CASC3: variants seen among roughly 807,000 people sequenced by gnomAD.
CASC3 encodes the protein CASC3 exon junction complex subunit.
A neutral mutation model predicts 80.5 loss-of-function variants in CASC3; 30 were observed. That is an observed-to-expected ratio of 0.37 (90% CI 0.28 to 0.51). The LOEUF is 0.51. Ranked by LOEUF, CASC3 falls within the 20% of genes least tolerant of loss-of-function variation. The pLI, the probability that CASC3 is intolerant of heterozygous loss-of-function variation, is 0.94. For synonymous variants in CASC3, 312 were observed against 333.6 expected (o/e 0.94, Z 0.70); for missense variants, 824 against 922.2 (o/e 0.89, Z 1.38).
At chr17:40,159,582 G>C (rs1460680437) in intron 3 of CASC3, among the ~76,000 whole-genome samples, 2 of 134,666 alleles carry the variant, frequency 1.5e-5, no homozygotes, top group African/African-American at 2.8e-5. Context: ...ATCTCTCTCT[G>C]TTGCTAAGAC....
intron 3 of CASC3, among the ~76,000 whole-genome samples, chr17:40,143,441 TGTCTC>T (rs537651482): frequency 6.6e-5 from 10 of 150,872 alleles, no homozygotes; most frequent in Non-Finnish European, 1.3e-4. Context: ...GCAAGACTCT[TGTCTC>T]AGAAAATTTA....
intron 8 of CASC3, chr17:40,167,220 A>G: frequency 3.9e-6 from 2 of 518,378 alleles, no homozygotes; most frequent in Non-Finnish European, 6.8e-6. Flanking sequence ...TGGCCTCCCA[A>G]AGTATTGGGA....
chr17:40,149,832 C>T (rs1280723939), intron 3 of CASC3, among the ~76,000 whole-genome samples: 1 of 151,656 alleles, frequency 6.6e-6, no homozygotes. Flanking sequence ...GGTGAAACCC[C>T]GTCTCTACTA....
intron 3 of CASC3, among the ~76,000 whole-genome samples, chr17:40,149,128 G>A (rs9898500): frequency 0.064 from 9,783 of 151,916 alleles, 685 homozygotes; most frequent in African/African-American, 0.17. Flanking sequence ...CACCCACCTC[G>A]GCTTCCCAAA....
intron 2 of CASC3, 69 bp from the exon 3 acceptor site, chr17:40,141,501 G>C (rs1988716496): frequency 7.7e-7 from 1 of 1,298,948 alleles, no homozygotes; most frequent in Non-Finnish European, 1.1e-6. Context: ...CTCTTAGTCT[G>C]ACCTGTAATA....
rs764897515 is a variant in CASC3 at position 40,168,199 on chromosome 17, C to G, written c.1751-4C>G. 6.2e-7 allele frequency: 1 copy of G among 1,613,172 alleles called. No homozygotes were observed. Among genetic ancestry groups the G allele is most frequent in the Non-Finnish European group, 8.5e-7 (1 of 1,179,198 alleles). ...TTTTCAGTTTTTTTCTTCTCCTTAT[C>G]CAGGTTTACATCCCCACCAGACACC... On this transcript the variant is annotated splice_polypyrimidine_tract_variant and splice_region_variant and intron_variant, in intron 10 of 13. Coordinates refer to ENST00000264645, the MANE Select transcript of CASC3 (RefSeq NM_007359.5).
At chr17:40,157,653 C>T (rs1989187017) in intron 3 of CASC3, among the ~76,000 whole-genome samples, 2 of 151,886 alleles carry the variant, frequency 1.3e-5, no homozygotes, top group Non-Finnish European at 2.9e-5. Flanking sequence ...CCAGCCTGGG[C>T]GACAGAGCAA....
At chr17:40,148,338 C>T (rs1442861232) in intron 3 of CASC3, among the ~76,000 whole-genome samples, 3 of 151,866 alleles carry the variant, frequency 2.0e-5, no homozygotes, top group East Asian at 3.9e-4. Context: ...GAAGGAAGCC[C>T]TGGCAGCCAG....
chr17:40,159,408 C>T (rs1291030639), intron 3 of CASC3, among the ~76,000 whole-genome samples: 1 of 152,054 alleles, frequency 6.6e-6, no homozygotes, highest in Non-Finnish European at 1.5e-5. Flanking sequence ...TTGAGACAGT[C>T]TCTGTTGTCC....
chr17:40,149,108 T>C (rs1177183459), intron 3 of CASC3, among the ~76,000 whole-genome samples: 1 of 152,010 alleles, frequency 6.6e-6, no homozygotes, highest in East Asian at 1.9e-4. Flanking sequence ...ACTCCTGGTC[T>C]CAGGTGATCC....
chr17:40,171,471 T>G lies in CASC3; in HGVS notation c.*1066T>G. On this transcript the variant is annotated 3_prime_UTR_variant, in exon 14 of 14. Transcript: ENST00000264645. ...CCAGCAAGCAGTCTACCCTGTCCTT[T>G]GCAATTGCTCTTCTCCACGTCTTTC... 1.0e-6 allele frequency: 1 copy of G among 987,556 alleles called. No homozygotes were observed. The highest frequency in any genetic ancestry group is 1.2e-6 in the Non-Finnish European group (1 of 830,934). The allele number at this position is 987,556 out of a possible 1,614,324, so 61.2% of individuals were successfully genotyped here.
intron 3 of CASC3, among the ~76,000 whole-genome samples, chr17:40,150,709 T>A (rs1454824767): frequency 6.6e-6 from 1 of 152,052 alleles, no homozygotes; most frequent in Non-Finnish European, 1.5e-5. Flanking sequence ...AAGAGGCATT[T>A]TTTTAAAAAA....
chr17:40,171,306 T>C lies in CASC3; in HGVS notation c.*901T>C, dbSNP rs1476795878. 5 of 985,910 alleles carry C rather than the reference T, an allele frequency of 5.1e-6. No homozygotes were observed. The highest frequency in any genetic ancestry group is 3.5e-5 in the African/African-American group (2 of 57,242). The allele number at this position is 985,910 out of a possible 1,614,324, so 61.1% of individuals were successfully genotyped here. A position where few individuals can be genotyped will look rare whatever the true frequency, so the allele number is the denominator to read the frequency against. ...GTGAGAGCCTTTGCCTTTAGGGGTG[T>C]GTATTCACATAGTCCTCAGGGCTCA... On this transcript the variant is annotated 3_prime_UTR_variant, in exon 14 of 14. Coordinates refer to ENST00000264645, the MANE Select transcript of CASC3 (RefSeq NM_007359.5).
rs756753448 is a variant in CASC3 at position 40,140,700 on chromosome 17, A to G, written c.152A>G (p.Gln51Arg). The G allele has an allele frequency of 9.5e-5, 151 of 1,583,320 alleles. No homozygotes were observed. The highest frequency in any genetic ancestry group is 2.0e-4 in the Middle Eastern group (1 of 4,966). ...GGGGSGSLPS[Q>R]RGGRTGALHL... ...GGCGGCAGCGGCTCTCTGCCTTCAC[A>G]GCGCGGAGGCCGAACCGGGGCCCTT... Residue 51 changes from glutamine to arginine, a missense_variant, in exon 1 of 14, where the codon CAG becomes CGG. By Grantham distance (43) the Gln-to-Arg change is conservative. Transcript: ENST00000264645.
chr17:40,159,655 AC>A (rs1331809964), intron 3 of CASC3, among the ~76,000 whole-genome samples: 1 of 135,616 alleles, frequency 7.4e-6, no homozygotes, highest in Non-Finnish European at 1.6e-5. Context: ...AAATGATCTC[AC>A]ACCTCAGCCT....
intron 3 of CASC3, among the ~76,000 whole-genome samples, chr17:40,156,808 G>A (rs1989158306): frequency 6.6e-6 from 1 of 152,160 alleles, no homozygotes; most frequent in African/African-American, 2.4e-5. Context: ...AGTGGGCCAA[G>A]GCAGGAGGAT....
chr17:40,147,019 A>G (rs145324868), intron 3 of CASC3, among the ~76,000 whole-genome samples: 1 of 152,322 alleles, frequency 6.6e-6, no homozygotes, highest in East Asian at 1.9e-4. Flanking sequence ...CTGACAGGCA[A>G]TATGGAGTGT....
intron 3 of CASC3, among the ~76,000 whole-genome samples, 165 bp downstream of exon 3, chr17:40,141,772 C>G (rs946685969): frequency 2.6e-5 from 4 of 152,114 alleles, no homozygotes; most frequent in African/African-American, 9.7e-5. Context: ...CACTTTAGAC[C>G]TAGGGAAAAC....
intron 3 of CASC3, among the ~76,000 whole-genome samples, chr17:40,144,635 T>C (rs186618048): frequency 3.9e-4 from 58 of 149,666 alleles, no homozygotes; most frequent in African/African-American, 1.4e-3. Flanking sequence ...GGATTACGGG[T>C]GTGAGCCACT....
Sources: gnomAD v4.1 joint callset for allele counts (sites outside exome capture counted in the v4.1 genomes callset) on GRCh38, gnomAD v4.1.1 for gene constraint, MANE v1.5 for transcripts, NCBI Gene and HGNC (gene_info 2026-07-23, HGNC 2026-07-21) for gene names.